Variants in GLIS1 observed in about 807,000 individuals in gnomAD.
GLIS1 encodes the protein GLIS family zinc finger 1, also known as zinc finger protein GLIS1.
In GLIS1, 24 loss-of-function variants were observed where a neutral mutation model predicts 63.8. That is an observed-to-expected ratio of 0.38 (90% CI 0.27 to 0.53). The LOEUF (loss-of-function observed/expected upper bound fraction) is 0.53. Ranked by LOEUF, GLIS1 falls within the 20% of genes least tolerant of loss-of-function variation. The pLI, the probability that GLIS1 is intolerant of heterozygous loss-of-function variation, is 0.85. For missense variants in GLIS1, 1,036 were observed against 1,074.1 expected, an observed-to-expected ratio of 0.96 and a Z score of 0.50; for synonymous variants, 450 against 482.5, an observed-to-expected ratio of 0.93 and a Z score of 0.88.
chr1:53,513,612 G>A (rs1328662970), intron 8 of GLIS1, among the ~76,000 whole-genome samples: 1 of 152,154 alleles, frequency 6.6e-6, no homozygotes, highest in Admixed American at 6.5e-5. Context: ...GGGCTCCACA[G>A]CCCTTCTGCT....
intron 2 of GLIS1, among the ~76,000 whole-genome samples, chr1:53,709,367 T>TATAC (rs1553140153): frequency 5.1e-4 from 3 of 5,860 alleles, no homozygotes; most frequent in East Asian, 0.016. Flanking sequence ...TACATATACA[T>TATAC]ATATATATAC....
At chr1:53,544,882 G>A (rs894712182) in intron 4 of GLIS1, among the ~76,000 whole-genome samples, 3 of 152,172 alleles carry the variant, frequency 2.0e-5, no homozygotes, top group African/African-American at 7.2e-5. Context: ...GGGCTGGGCT[G>A]CGTGGGAACC....
rs1439330021 is a variant in GLIS1, at chr1:53,511,394, G to A, written c.1884-1367C>T. Among the ~76,000 whole-genome samples the A allele has an allele frequency of 6.6e-6, 1 of 152,192 alleles. No homozygotes were observed. The highest frequency in any genetic ancestry group is 1.5e-5 in the Non-Finnish European group (1 of 68,032). On this transcript the variant is annotated intron_variant, in intron 8 of 10. Coordinates refer to ENST00000628545, the MANE Select transcript of GLIS1 (RefSeq NM_001367484.1). The surrounding 1 kb of genome is among the most constrained non-coding windows in gnomAD (Gnocchi z 4.2). ...AAAGCAGATTTGGAGAGAGGCTGGGGTCTCCGCATCTGTGCTGTGCCAAGT... is the reference window on the plus strand; with the variant it reads ...AAAGCAGATTTGGAGAGAGGCTGGGATCTCCGCATCTGTGCTGTGCCAAGT...
intron 4 of GLIS1, among the ~76,000 whole-genome samples, chr1:53,568,041 C>T (rs1644951485): frequency 6.6e-6 from 1 of 152,252 alleles, no homozygotes; most frequent in African/African-American, 2.4e-5. Context: ...TGGAGATCCA[C>T]TGACAGCTTG....
intron 2 of GLIS1, among the ~76,000 whole-genome samples, chr1:53,628,826 C>T (rs766179053): frequency 2.0e-5 from 3 of 152,046 alleles, no homozygotes; most frequent in African/African-American, 7.2e-5. Flanking sequence ...GAAACAGCAC[C>T]CTGAGAGGTC....
At chr1:53,575,991 C>A (rs184033861) in intron 4 of GLIS1, among the ~76,000 whole-genome samples, 1 of 152,078 alleles carries the variant, frequency 6.6e-6, no homozygotes, top group Non-Finnish European at 1.5e-5. Context: ...CACTCCACAC[C>A]GTGCTTGCTG....
chr1:53,561,497 C>T (rs1427046556), intron 4 of GLIS1, among the ~76,000 whole-genome samples: 1 of 152,174 alleles, frequency 6.6e-6, no homozygotes, highest in African/African-American at 2.4e-5. Context: ...CGGACCAGGG[C>T]CTTAAATAAT....
At chr1:53,642,487 G>A (rs1009465459) in intron 2 of GLIS1, among the ~76,000 whole-genome samples, 6 of 152,134 alleles carry the variant, frequency 3.9e-5, no homozygotes, top group African/African-American at 9.7e-5. Context: ...TATCCACACC[G>A]CCATGCCAGT....
intron 2 of GLIS1, among the ~76,000 whole-genome samples, chr1:53,717,022 C>T (rs1005974585): frequency 2.6e-5 from 4 of 152,042 alleles, no homozygotes; most frequent in Non-Finnish European, 5.9e-5. Context: ...GAGTCTAGAC[C>T]AAGTATCAGA....
rs1045508551 is a variant in GLIS1 at position 53,644,114 on chromosome 1, C to T, written c.260-43836G>A. ...TATTCTGGAAGAAGTCTCTACAAGA[C>T]ACCATTTAGGGTCAGCTGATTTGCC... On this transcript the variant is annotated intron_variant, in intron 2 of 10. Transcript: ENST00000628545. Among the ~76,000 whole-genome samples the T allele has an allele frequency of 2.6e-5, 4 of 152,218 alleles. No individual in the cohort carries two copies. In the South Asian group the frequency reaches 8.3e-4, roughly 32 times the overall value.
intron 4 of GLIS1, among the ~76,000 whole-genome samples, chr1:53,540,327 A>G (rs1332984743): frequency 2.0e-5 from 3 of 152,146 alleles, no homozygotes; most frequent in Non-Finnish European, 4.4e-5. Context: ...TTCAGGAGGA[A>G]GAAGAGGGCC....
intron 4 of GLIS1, among the ~76,000 whole-genome samples, chr1:53,561,689 G>A (rs951746847): frequency 1.3e-5 from 2 of 152,214 alleles, no homozygotes; most frequent in African/African-American, 4.8e-5. Context: ...AGAACATGCT[G>A]GGTTTGGCAG....
At chr1:53,508,869 ACC>A (rs1644265107) in intron 10 of GLIS1, among the ~76,000 whole-genome samples, 1 of 152,256 alleles carries the variant, frequency 6.6e-6, no homozygotes, top group South Asian at 2.1e-4. Context: ...TTCTTCAGAA[ACC>A]TGCCAGCATT....
chr1:53,527,319 C>T (rs986173204), intron 5 of GLIS1, among the ~76,000 whole-genome samples: 4 of 152,226 alleles, frequency 2.6e-5, no homozygotes, highest in African/African-American at 9.6e-5. Context: ...GATCTGTGCA[C>T]TCAGGACTCG....
At chr1:53,668,302 T>TAA (rs947787369) in intron 2 of GLIS1, among the ~76,000 whole-genome samples, 1 of 152,192 alleles carries the variant, frequency 6.6e-6, no homozygotes, top group Non-Finnish European at 1.5e-5. Context: ...AGAACATATA[T>TAA]AACATCAGTG....
intron 2 of GLIS1, among the ~76,000 whole-genome samples, chr1:53,706,195 A>G (rs1216745843): frequency 6.6e-6 from 1 of 152,240 alleles, no homozygotes; most frequent in African/African-American, 2.4e-5. Context: ...TGTCAAAGAC[A>G]GTGAATGACA....
At chr1:53,638,723 T>C (rs1645753846) in intron 2 of GLIS1, among the ~76,000 whole-genome samples, 2 of 151,966 alleles carry the variant, frequency 1.3e-5, no homozygotes, top group Non-Finnish European at 2.9e-5. Context: ...CTTCCAACCC[T>C]AGAACCCCCC....
At chr1:53,655,632 C>T (rs906278212) in intron 2 of GLIS1, among the ~76,000 whole-genome samples, 8 of 152,182 alleles carry the variant, frequency 5.3e-5, no homozygotes, top group African/African-American at 1.9e-4. Context: ...CTTCCCCCAC[C>T]CCACAGACGT....
At chr1:53,606,681 G>A (rs561060941) in intron 2 of GLIS1, among the ~76,000 whole-genome samples, 117 of 152,218 alleles carry the variant, frequency 7.7e-4, no homozygotes, top group Non-Finnish European at 2.2e-4. Flanking sequence ...CCGGTGGACC[G>A]GGTTAGCTGA....
Sources: allele counts gnomAD v4.1 joint callset (sites outside exome capture counted in the v4.1 genomes callset), GRCh38; gene constraint gnomAD v4.1.1; non-coding constraint Gnocchi (gnomAD v3.1); transcripts MANE v1.5; gene names NCBI Gene and HGNC (gene_info 2026-07-23, HGNC 2026-07-21).